The following FGF13 variants were observed in gnomAD, a reference collection of about 807,000 sequenced individuals.
The protein encoded by FGF13 is fibroblast growth factor homologous factor 2.
Under a neutral mutation model 19.5 loss-of-function variants are expected in FGF13, and 2 were observed. The observed-to-expected ratio is 0.10, with a 90% CI of 0.04 to 0.32. The LOEUF is 0.32. Among genes scored for constraint, FGF13 ranks in the 10% least tolerant of loss-of-function variants. FGF13 has a pLI of 1.00. For missense variants in FGF13, 113 were observed against 192.7 expected, an observed-to-expected ratio of 0.59 and a Z score of 2.45; for synonymous variants, 72 against 76.9, an observed-to-expected ratio of 0.94 and a Z score of 0.33.
chrX:139,050,520 T>C (rs949151384), intron 1 of FGF13, among the ~76,000 whole-genome samples: 14 of 111,328 alleles, frequency 1.3e-4, no homozygotes, highest in Admixed American at 4.8e-4. Flanking sequence ...AATGAATGAA[T>C]AGGGAATAAA....
At chrX:138,667,461 TAAAC>T (rs1418662835) in intron 3 of FGF13, among the ~76,000 whole-genome samples, 1 of 110,614 alleles carries the variant, frequency 9.0e-6, no homozygotes, top group Admixed American at 9.7e-5. Flanking sequence ...AAACAGAAAA[TAAAC>T]ATACACAAAA....
At chrX:138,946,864 T>C (rs1735771369) in intron 1 of FGF13, among the ~76,000 whole-genome samples, 1 of 112,384 alleles carries the variant, frequency 8.9e-6, no homozygotes, top group South Asian at 3.6e-4. Flanking sequence ...GGGATGTTCC[T>C]GGCTCTTCTG....
intron 3 of FGF13, among the ~76,000 whole-genome samples, chrX:138,658,061 T>C (rs143635132): frequency 0.017 from 1,917 of 111,666 alleles, 30 homozygotes; most frequent in African/African-American, 0.058. Context: ...TAAGCTTCCA[T>C]TGTAATGGCA....
intron 1 of FGF13, among the ~76,000 whole-genome samples, chrX:139,013,041 A>T: frequency 9.0e-6 from 1 of 111,675 alleles, no homozygotes; most frequent in Non-Finnish European, 1.9e-5. Context: ...AGAACATGAA[A>T]AGACAGTTCT....
At chrX:138,734,247 C>T (rs948684378) in intron 1 of FGF13, among the ~76,000 whole-genome samples, 10 of 111,661 alleles carry the variant, frequency 9.0e-5, no homozygotes, top group African/African-American at 3.3e-4. Flanking sequence ...AGTTCCCAGC[C>T]AGTAGTAGTA....
intron 1 of FGF13, among the ~76,000 whole-genome samples, chrX:138,721,853 TTC>T (rs889901317): frequency 9.0e-6 from 1 of 110,540 alleles, no homozygotes; most frequent in Non-Finnish European, 1.9e-5. Context: ...TATTTACAAT[TTC>T]TGTTTGGTGT....
At chrX:139,130,837 T>C (rs1477195431) in intron 1 of FGF13, among the ~76,000 whole-genome samples, 1 of 112,208 alleles carries the variant, frequency 8.9e-6, no homozygotes, top group East Asian at 2.8e-4. Context: ...TATCCAAGAA[T>C]AGTTGTTTCA....
intron 1 of FGF13, among the ~76,000 whole-genome samples, chrX:139,117,458 TTATC>T (rs1275851234): frequency 9.0e-6 from 1 of 111,652 alleles, no homozygotes; most frequent in Non-Finnish European, 1.9e-5. Context: ...ACCTATCTTT[TTATC>T]TATCTATCCA....
At chrX:139,204,949 C>T (rs1356743751), upstream of FGF13, 1 of 112,260 alleles carries the variant, frequency 8.9e-6, no homozygotes, top group Non-Finnish European at 1.9e-5. Flanking sequence ...TCCCTACACC[C>T]ACACCCCCTC....
At chrX:138,785,533 G>A (rs1015215354) in intron 3 of FGF13, among the ~76,000 whole-genome samples, 5 of 111,230 alleles carry the variant, frequency 4.5e-5, no homozygotes, top group African/African-American at 1.6e-4. Context: ...GGTAATCAAA[G>A]TCAGTGATCT....
chrX:138,881,177 T>C (rs777853081), intron 1 of FGF13, among the ~76,000 whole-genome samples: 1 of 111,938 alleles, frequency 8.9e-6, no homozygotes, highest in South Asian at 3.7e-4. Flanking sequence ...CGTTATTCTT[T>C]TAGATGTTAT....
At chrX:139,176,284 TTC>T (rs1191296549) in intron 1 of FGF13, among the ~76,000 whole-genome samples, 1 of 111,506 alleles carries the variant, frequency 9.0e-6, no homozygotes, top group African/African-American at 3.3e-5. Context: ...TATTTGATTC[TTC>T]TCTCTTTTCT....
At chrX:138,967,172 A>C (rs2124312330) in intron 1 of FGF13, among the ~76,000 whole-genome samples, 1 of 108,734 alleles carries the variant, frequency 9.2e-6, no homozygotes, top group African/African-American at 3.3e-5. Flanking sequence ...ATTCCACATT[A>C]TTCTGATATT....
chrX:138,964,831 T>TG (rs2091888472), intron 1 of FGF13, among the ~76,000 whole-genome samples: 1 of 111,012 alleles, frequency 9.0e-6, no homozygotes, highest in African/African-American at 3.3e-5. Flanking sequence ...TTTATGGGGC[T>TG]GGGGGGTACC....
chrX:139,098,629 A>G (rs1369064429), intron 1 of FGF13, among the ~76,000 whole-genome samples: 2 of 111,758 alleles, frequency 1.8e-5, no homozygotes, highest in Admixed American at 9.5e-5. Context: ...ATTAATGTCC[A>G]AACAGAAAAC....
intron 1 of FGF13, among the ~76,000 whole-genome samples, chrX:139,179,255 A>G (rs912816084): frequency 1.8e-5 from 2 of 111,953 alleles, no homozygotes; most frequent in Admixed American, 9.5e-5. Context: ...TTATTTTAGT[A>G]CTTTGTTCAC....
At chrX:138,707,765 C>T (rs1237608990) in intron 2 of FGF13, among the ~76,000 whole-genome samples, 4 of 111,791 alleles carry the variant, frequency 3.6e-5, no homozygotes, top group Non-Finnish European at 7.5e-5. Flanking sequence ...AAAGTGACTT[C>T]CTCTCGAGGT....
At chrX:139,007,322 A>G (rs1171149934) in intron 1 of FGF13, among the ~76,000 whole-genome samples, 1 of 111,795 alleles carries the variant, frequency 8.9e-6, no homozygotes, top group Non-Finnish European at 1.9e-5. Context: ...ATATACATAT[A>G]GAACACTGGA....
downstream of FGF13, among the ~76,000 whole-genome samples, chrX:138,854,364 A>C (rs1297526314): frequency 8.9e-6 from 1 of 111,996 alleles, no homozygotes; most frequent in East Asian, 2.8e-4. Context: ...GTGTATCCTG[A>C]AAAGCCAGTG....
Sources: allele counts gnomAD v4.1 joint callset (sites outside exome capture counted in the v4.1 genomes callset), GRCh38; gene constraint gnomAD v4.1.1; transcripts MANE v1.5; gene names NCBI Gene and HGNC (gene_info 2026-07-23, HGNC 2026-07-21).